Variants in DNAH8 observed in about 807,000 individuals in gnomAD.
The protein encoded by DNAH8 is dynein axonemal heavy chain 8, also known as axonemal beta dynein heavy chain 8.
Under a neutral mutation model 562.1 loss-of-function variants are expected in DNAH8, and 382 were observed. That is an observed-to-expected ratio of 0.68 (90% CI 0.63 to 0.74). The LOEUF (loss-of-function observed/expected upper bound fraction) is 0.74. Ranked by LOEUF, DNAH8 falls within the 30% of genes least tolerant of loss-of-function variation. The pLI is 0.00. For missense variants in DNAH8, 5,203 were observed against 5,620.4 expected, an observed-to-expected ratio of 0.93 and a Z score of 2.37; for synonymous variants, 1,881 against 1,919.4, an observed-to-expected ratio of 0.98 and a Z score of 0.52.
Position 38,873,102 on chromosome 6 carries a change from G to C in DNAH8, c.7434G>C (p.Met2478Ile), listed in dbSNP as rs1777596781. ...ASPATVSRMGMVYISSSALSW... is the reference protein window; with the variant it reads ...ASPATVSRMGIVYISSSALSW... ...CTGCCACGGTTTCTAGGATGGGCAT[G>C]GTCTATATCAGCAGCTCTGCTCTCA... Residue 2478 changes from methionine to isoleucine, a missense_variant, in exon 51 of 93, where the codon ATG becomes ATC. This residue lies in a region of DNAH8 where 977 missense variants were observed against 1,061.8 expected (regional missense o/e 0.92). Transcript: ENST00000327475. The C allele has an allele frequency of 1.2e-6, 2 of 1,613,886 alleles. No individual in the cohort carries two copies. The highest frequency in any genetic ancestry group is 3.3e-5 in the Admixed American group (2 of 60,016).
chr6:38,837,938 A>G lies in DNAH8; in HGVS notation c.4366-4A>G. ...TTAGTACAATTTAAAAACCTTTGTT[A>G]CAGGCCAGTTTCGATGATCTGTGGA... On this transcript the variant is annotated splice_polypyrimidine_tract_variant and splice_region_variant and intron_variant, in intron 32 of 92. Coordinates refer to ENST00000327475, the MANE Select transcript of DNAH8 (RefSeq NM_001206927.2). 6.2e-7 allele frequency: 1 copy of G among 1,600,034 alleles called. No homozygotes were observed. The highest frequency in any genetic ancestry group is 8.5e-7 in the Non-Finnish European group (1 of 1,170,540).
At chr6:38,796,527 G>T (rs1026403778) in intron 21 of DNAH8, among the ~76,000 whole-genome samples, 7 of 152,072 alleles carry the variant, frequency 4.6e-5, no homozygotes, top group Non-Finnish European at 8.8e-5. Flanking sequence ...AAATCCACAG[G>T]CAGACAGCAT....
chr6:38,996,135 A>G (rs988659815), intron 88 of DNAH8, among the ~76,000 whole-genome samples: 36 of 152,052 alleles, frequency 2.4e-4, no homozygotes, highest in African/African-American at 8.5e-4. Flanking sequence ...GCAAAATGCA[A>G]AAGGCTGCAA....
chr6:38,880,746 G>A (rs995860302), intron 53 of DNAH8, among the ~76,000 whole-genome samples: 1 of 152,238 alleles, frequency 6.6e-6, no homozygotes, highest in African/African-American at 2.4e-5. Flanking sequence ...CTCCAATGGG[G>A]TCTGGGTGCA....
In DNAH8 at chr6:38,938,018, A is replaced by C; in HGVS notation, c.11608A>C (p.Thr3870Pro). Residue 3870 changes from threonine (T) to proline (P), a missense_variant, in exon 78 of 93, where the codon ACC becomes CCC. Transcript: ENST00000327475. Reference protein sequence around the residue: ...DESLIGVLRTTKQTAAEVSEK... With the variant: ...DESLIGVLRTPKQTAAEVSEK... ...ATCTCTCATTGGTGTACTTCGAACT[A>C]CCAAGCAGACAGCAGCTGAGGTAAG... is the stretch of plus-strand genomic sequence containing the variant. 1 of 1,613,850 alleles carries C rather than the reference A, an allele frequency of 6.2e-7. No individual in the cohort carries two copies. The highest frequency in any genetic ancestry group is 1.1e-5 in the South Asian group (1 of 91,070).
At chr6:38,982,558 G>A (rs1764106349) in intron 86 of DNAH8, 96 bp downstream of exon 86, 2 of 688,766 alleles carry the variant, frequency 2.9e-6, no homozygotes, top group East Asian at 5.0e-5. Flanking sequence ...TGAATTTGCT[G>A]AGCCCCATGG....
chr6:38,733,912 C>T (rs13213448), intron 4 of DNAH8, among the ~76,000 whole-genome samples: 10,056 of 148,238 alleles, frequency 0.068, 368 homozygotes, highest in South Asian at 0.12. Context: ...AAAAAAGACT[C>T]CATCTAAAAA....
At position 38,826,268 on chromosome 6, in the gene DNAH8, T is replaced by C. The variant is rs1773308890; in HGVS notation, c.3960T>C (p.Asn1320=). ...TGTCATACATGATAGCATTTATTAA[T>C]GAATACTTGAAAAAGTTATCTAGAC... ...KKMSYMIAFI[N]EYLKKLSRPI... is the part of the protein sequence containing the mutation. The change falls in exon 29 of 93, where the codon AAT becomes AAC. Residue 1320 remains asparagine (N), a synonymous_variant. Coordinates refer to ENST00000327475, the MANE Select transcript of DNAH8 (RefSeq NM_001206927.2). 1 of 1,613,406 alleles carries C rather than the reference T, an allele frequency of 6.2e-7. No individual in the cohort carries two copies. Among genetic ancestry groups the C allele is most frequent in the Non-Finnish European group, 8.5e-7 (1 of 1,179,504 alleles).
intron 89 of DNAH8, among the ~76,000 whole-genome samples, chr6:39,009,925 A>G (rs547607444): frequency 6.6e-6 from 1 of 152,340 alleles, no homozygotes; most frequent in Non-Finnish European, 1.5e-5. Context: ...CACTTTCAAT[A>G]GTTTTATTGG....
rs2281339 is a variant in DNAH8, at chr6:39,025,355, G to C, written c.13715-1191G>C. Among the ~76,000 whole-genome samples the C allele has an allele frequency of 0.011, 1,693 of 152,288 alleles. 112 individuals carry two copies. The East Asian group carries it at 0.16, about 14-fold the overall frequency. ...GCCTCCCCCACACTCCCTCTGGACTGAGCTCCTTGAATGTGGGGCCCATGG... is the reference window on the plus strand; with the variant it reads ...GCCTCCCCCACACTCCCTCTGGACTCAGCTCCTTGAATGTGGGGCCCATGG... On this transcript the variant is annotated intron_variant, in intron 91 of 92. Transcript: ENST00000327475.
chr6:38,726,998 C>T (rs952287408), intron 3 of DNAH8, among the ~76,000 whole-genome samples: 3 of 151,624 alleles, frequency 2.0e-5, no homozygotes, highest in South Asian at 2.1e-4. Context: ...GCTGGGACTA[C>T]GGGTGCGTGC....
At chr6:38,909,830 T>A in intron 65 of DNAH8, 86 bp downstream of exon 65, 1 of 1,046,220 alleles carries the variant, frequency 9.6e-7, no homozygotes, top group Non-Finnish European at 1.4e-6. Flanking sequence ...AGCAGAAGAC[T>A]CTTTCTATTC....
rs66765653 is a variant in DNAH8 at position 38,914,392 on chromosome 6, C to CTTTTTTTTT, written c.9963+458_9963+466dup. Among the ~76,000 whole-genome samples the CTTTTTTTTT allele has an allele frequency of 4.1e-4, 26 of 63,986 alleles. 1 individual carries two copies. Among genetic ancestry groups the CTTTTTTTTT allele is most frequent in the Non-Finnish European group, 6.6e-4 (25 of 37,598 alleles). The allele number at this position is 63,986 out of a possible 152,430, so 42.0% of individuals were successfully genotyped here. On this transcript the variant is annotated intron_variant, in intron 67 of 92. Transcript: ENST00000327475. ...GGTATATATGTGTGCTGCTTTTTCT[C>CTTTTTTTTT]TTTTTTTTTTTTTTTTTTTTTTTTT...
intron 53 of DNAH8, among the ~76,000 whole-genome samples, chr6:38,879,936 G>A (rs766406242): frequency 5.3e-5 from 8 of 152,106 alleles, no homozygotes; most frequent in Non-Finnish European, 1.0e-4. Flanking sequence ...AAGAATACCA[G>A]TTAAAATAGA....
chr6:38,770,659 T>G, intron 12 of DNAH8, 100 bp downstream of exon 12: 1 of 1,123,392 alleles, frequency 8.9e-7, no homozygotes. Context: ...CCTGATCTCT[T>G]GTCCACTATT....
chr6:38,719,151 G>A (rs1019236897), intron 1 of DNAH8, among the ~76,000 whole-genome samples: 4 of 152,178 alleles, frequency 2.6e-5, no homozygotes, highest in African/African-American at 9.7e-5. Flanking sequence ...ATTCTTGTCT[G>A]GGCTGGATTT....
At chr6:38,750,112 G>A (rs559697961) in intron 8 of DNAH8, among the ~76,000 whole-genome samples, 1 of 152,194 alleles carries the variant, frequency 6.6e-6, no homozygotes, top group Non-Finnish European at 1.5e-5. Context: ...GATTACAGGC[G>A]TAAGCCACCA....
chr6:38,925,515 A>G (rs1433936093), intron 73 of DNAH8, among the ~76,000 whole-genome samples: 1 of 151,890 alleles, frequency 6.6e-6, no homozygotes, highest in Non-Finnish European at 1.5e-5. Flanking sequence ...TATTGATCAC[A>G]TGGTGGGAGG....
At chr6:38,772,034 T>C (rs917160354) in intron 12 of DNAH8, among the ~76,000 whole-genome samples, 5 of 150,828 alleles carry the variant, frequency 3.3e-5, no homozygotes, top group Non-Finnish European at 7.4e-5. Flanking sequence ...GATTTCTTTT[T>C]TTTTTTTTTT....
Sources: allele counts gnomAD v4.1 joint callset (sites outside exome capture counted in the v4.1 genomes callset), GRCh38; gene constraint gnomAD v4.1.1; regional missense constraint gnomAD v4.1.1; transcripts MANE v1.5; gene names NCBI Gene and HGNC (gene_info 2026-07-23, HGNC 2026-07-21).